The following RERE variants were observed in gnomAD, a reference collection of about 807,000 sequenced individuals.
RERE encodes the protein arginine-glutamic acid dipeptide repeats protein.
In RERE, 40 loss-of-function variants were observed where a neutral mutation model predicts 146.1. The observed-to-expected ratio is 0.27, with a 90% CI of 0.21 to 0.36. The LOEUF (loss-of-function observed/expected upper bound fraction) is 0.36. Ranked by LOEUF, RERE falls within the 10% of genes least tolerant of loss-of-function variation. RERE has a pLI of 1.00. For synonymous variants in RERE, 1,003 were observed against 866.0 expected, an observed-to-expected ratio of 1.16 and a Z score of -2.78; for missense variants, 1,933 against 2,138.7, an observed-to-expected ratio of 0.90 and a Z score of 1.90.
chr1:8,403,064 A>G (rs917319146), intron 12 of RERE, among the ~76,000 whole-genome samples: 1 of 151,912 alleles, frequency 6.6e-6, no homozygotes, highest in South Asian at 2.1e-4. Flanking sequence ...ACACCCAGCT[A>G]ATTTTTGTAT....
chr1:8,442,106 C>T (rs551450391), intron 11 of RERE, among the ~76,000 whole-genome samples: 45 of 152,178 alleles, frequency 3.0e-4, no homozygotes, highest in African/African-American at 1.1e-3. Context: ...ATGAACTTGT[C>T]GGGCATGGTG....
chr1:8,485,801 T>C (rs1164608326), intron 10 of RERE, among the ~76,000 whole-genome samples: 1 of 149,126 alleles, frequency 6.7e-6, no homozygotes, highest in East Asian at 1.9e-4. Context: ...AATCACTTTT[T>C]TTTTTTTTTT....
At chr1:8,515,502 G>T (rs1419220491) in intron 7 of RERE, among the ~76,000 whole-genome samples, 1 of 152,054 alleles carries the variant, frequency 6.6e-6, no homozygotes, top group African/African-American at 2.4e-5. Flanking sequence ...GTGGTGGCAG[G>T]CGCCTGTAGT....
At chr1:8,473,577 G>C (rs1644717289) in intron 10 of RERE, among the ~76,000 whole-genome samples, 1 of 152,170 alleles carries the variant, frequency 6.6e-6, no homozygotes, top group Admixed American at 6.6e-5. Context: ...TATTTAGCTA[G>C]TTGCCTAAAA....
chr1:8,616,268 A>G (rs1350917170), intron 3 of RERE, among the ~76,000 whole-genome samples: 1 of 152,222 alleles, frequency 6.6e-6, no homozygotes, highest in African/African-American at 2.4e-5. Flanking sequence ...TCAAGTAATT[A>G]TTAAAACATT....
rs1466949011 is a variant in RERE, at chr1:8,423,574, G to A, written c.1204-767C>T. The stretch of plus-strand genomic sequence containing the variant: ...CCGAGCCCCCACCTCGGGGCTCCCA[G>A]CCTGGTCCCGGGCGGCCGACCCCAG... On this transcript the variant is annotated intron_variant, in intron 11 of 22. Coordinates refer to ENST00000400908, the MANE Select transcript of RERE (RefSeq NM_001042681.2). This position sits in a 1 kb window ranked among gnomAD's most constrained non-coding sequence, Gnocchi z 5.4. The A allele has an allele frequency of 1.0e-6, 1 of 985,054 alleles. No homozygotes were observed. The highest frequency in any genetic ancestry group is 1.2e-6 in the Non-Finnish European group (1 of 829,870). The allele number at this position is 985,054 out of a possible 1,614,324, so 61.0% of individuals were successfully genotyped here.
chr1:8,759,584 C>T (rs920015423), intron 1 of RERE, among the ~76,000 whole-genome samples: 8 of 152,166 alleles, frequency 5.3e-5, no homozygotes, highest in South Asian at 2.1e-4. Flanking sequence ...TTGGAGAATA[C>T]GGTTTAGCAC....
At chr1:8,410,520 G>A (rs1055796116) in intron 12 of RERE, among the ~76,000 whole-genome samples, 1 of 152,174 alleles carries the variant, frequency 6.6e-6, no homozygotes, top group African/African-American at 2.4e-5. Context: ...TAAAAGGAAG[G>A]CGGCCCGAAA....
intron 4 of RERE, among the ~76,000 whole-genome samples, chr1:8,607,362 CAAAA>C (rs1358829755): frequency 3.6e-5 from 3 of 84,084 alleles, no homozygotes; most frequent in Non-Finnish European, 5.1e-5. Flanking sequence ...ACCCTGTCTC[CAAAA>C]AAAAAAAAAA....
intron 12 of RERE, among the ~76,000 whole-genome samples, chr1:8,404,536 G>T (rs117584052): frequency 1.3e-5 from 2 of 152,198 alleles, no homozygotes; most frequent in Non-Finnish European, 2.9e-5. Flanking sequence ...GAGACTACAG[G>T]TTCGTGAGCC....
intron 1 of RERE, among the ~76,000 whole-genome samples, chr1:8,767,897 C>T (rs543592497): frequency 1.3e-5 from 2 of 151,976 alleles, no homozygotes; most frequent in East Asian, 1.9e-4. Context: ...ACCTAGGAGG[C>T]GGAGGTTGCA....
intron 1 of RERE, among the ~76,000 whole-genome samples, chr1:8,748,177 C>T (rs1344319255): frequency 6.6e-6 from 1 of 152,140 alleles, no homozygotes; most frequent in African/African-American, 2.4e-5. Flanking sequence ...TTTACCTCTA[C>T]CATTTTACAG....
intron 1 of RERE, among the ~76,000 whole-genome samples, chr1:8,739,202 C>T (rs1640260252): frequency 6.6e-6 from 1 of 152,132 alleles, no homozygotes; most frequent in South Asian, 2.1e-4. Flanking sequence ...TATTATGTAA[C>T]ACAACATATA....
chr1:8,815,749 G>T (rs1641898990), intron 1 of RERE, among the ~76,000 whole-genome samples: 1 of 152,098 alleles, frequency 6.6e-6, no homozygotes, highest in Non-Finnish European at 1.5e-5. Flanking sequence ...AGCTGTGTTT[G>T]TCTGTGCAAA....
chr1:8,471,509 C>T (rs1025689656), intron 10 of RERE, among the ~76,000 whole-genome samples: 6 of 140,516 alleles, frequency 4.3e-5, no homozygotes, highest in African/African-American at 1.6e-4. Context: ...CCATGCTGCC[C>T]GGGGTTGCTT....
chr1:8,550,394 C>A (rs1475785439), intron 6 of RERE, among the ~76,000 whole-genome samples: 1 of 152,120 alleles, frequency 6.6e-6, no homozygotes, highest in East Asian at 1.9e-4. Context: ...AATAAAAATG[C>A]TGTAGGTCAA....
At chr1:8,688,405 T>C (rs1157014503) in intron 1 of RERE, among the ~76,000 whole-genome samples, 1 of 151,964 alleles carries the variant, frequency 6.6e-6, no homozygotes, top group East Asian at 1.9e-4. Flanking sequence ...CTACTAAAAA[T>C]ACAAAAATCA....
Position 8,556,552 on chromosome 1 carries a change from G to A in RERE, c.648C>T (p.Val216=), listed in dbSNP as rs141054692. ...HNENDSGREL[V]ITDPVIKNRE... ...GGTTCTTGATAACTGGGTCTGTAAT[G>A]ACAAGTTCTCTTCCAGAGTCTGTCA... Residue 216 remains valine (V), a synonymous_variant, in exon 6 of 23, where the codon GTC becomes GTT. Transcript: ENST00000400908. 7.5e-6 allele frequency: 12 copies of A among 1,604,724 alleles called. No individual in the cohort carries two copies. In the African/African-American group the frequency reaches 1.6e-4, roughly 21 times the overall value.
chr1:8,636,825 C>T (rs1444236333), intron 2 of RERE, among the ~76,000 whole-genome samples: 1 of 152,050 alleles, frequency 6.6e-6, no homozygotes, highest in African/African-American at 2.4e-5. Flanking sequence ...GGAGATAGAG[C>T]ATGGGAGAAC....
Sources: gnomAD v4.1 joint callset for allele counts (sites outside exome capture counted in the v4.1 genomes callset) on GRCh38, gnomAD v4.1.1 for gene constraint, Gnocchi (gnomAD v3.1) non-coding constraint, MANE v1.5 for transcripts, NCBI Gene and HGNC (gene_info 2026-07-23, HGNC 2026-07-21) for gene names.